CNTN6: variants seen among roughly 807,000 people sequenced by gnomAD.
CNTN6 encodes the protein contactin-6.
In CNTN6, 137 loss-of-function variants were observed where a neutral mutation model predicts 122.8. That is an observed-to-expected ratio of 1.12 (90% confidence interval 0.97 to 1.29). The LOEUF is 1.29. Among genes scored for constraint, CNTN6 ranks in the 50% most tolerant of loss-of-function variants. The pLI is 0.00. For synonymous variants in CNTN6, 570 were observed against 426.0 expected (o/e 1.34, Z -4.16); for missense variants, 1,634 against 1,223.4 (o/e 1.34, Z -5.01).
rs3821436 is a variant in CNTN6 at position 1,197,567 on chromosome 3, C to T, written c.56-23120C>T. Among the ~76,000 whole-genome samples the T allele has an allele frequency of 2.8e-3, 427 of 152,256 alleles. 10 individuals are homozygous for T. In the East Asian group the frequency reaches 0.038, roughly 13 times the overall value. On this transcript the variant is annotated intron_variant, in intron 2 of 22. Coordinates refer to ENST00000446702, the MANE Select transcript of CNTN6 (RefSeq NM_001289080.2). ...GTAAATAGGAAAGCAGCATCTACAACACTTAGTGATGTAAGTCACACACAT... is the reference window on the plus strand; with the variant it reads ...GTAAATAGGAAAGCAGCATCTACAATACTTAGTGATGTAAGTCACACACAT...
rs112708326 is a variant in CNTN6, at chr3:1,139,858, G to C, written c.-82-8069G>C. 8.9e-3 allele frequency among the ~76,000 whole-genome samples: 1,350 copies of C among 152,276 alleles called. 17 individuals carry two copies. The highest frequency in any genetic ancestry group is 0.031 in the African/African-American group (1,276 of 41,548). On this transcript the variant is annotated intron_variant, in intron 1 of 22. Coordinates refer to ENST00000446702, the MANE Select transcript of CNTN6 (RefSeq NM_001289080.2). Reference sequence around the variant, plus strand: ...TTGAACACTCAGCAGCGTATGACTGGTTGAAACATGGCTGCTGGGATTGGC... The same window carrying C: ...TTGAACACTCAGCAGCGTATGACTGCTTGAAACATGGCTGCTGGGATTGGC...
At chr3:1,257,647 G>T (rs555193031) in intron 4 of CNTN6, among the ~76,000 whole-genome samples, 1 of 152,136 alleles carries the variant, frequency 6.6e-6, no homozygotes, top group East Asian at 1.9e-4. Flanking sequence ...TGCTGTGGAG[G>T]CAGTACAATA....
chr3:1,382,487 T>TCC (rs1692051554), intron 17 of CNTN6, among the ~76,000 whole-genome samples: 1 of 152,216 alleles, frequency 6.6e-6, no homozygotes, highest in Non-Finnish European at 1.5e-5. Context: ...TCTTAAAGCA[T>TCC]ATGTTATTTC....
chr3:1,335,276 C>A (rs1204932439), intron 11 of CNTN6, among the ~76,000 whole-genome samples: 1 of 152,146 alleles, frequency 6.6e-6, no homozygotes, highest in Non-Finnish European at 1.5e-5. Context: ...TTGTTGCTGT[C>A]ATCGTAACTT....
chr3:1,104,110 G>A (rs2091096586), intron 1 of CNTN6, among the ~76,000 whole-genome samples: 1 of 152,060 alleles, frequency 6.6e-6, no homozygotes, highest in African/African-American at 2.4e-5. Context: ...TTCTGCTCCT[G>A]TAAAATTCAC....
chr3:1,124,440 A>G (rs2092082071), intron 1 of CNTN6, among the ~76,000 whole-genome samples: 2 of 151,860 alleles, frequency 1.3e-5, no homozygotes, highest in Non-Finnish European at 2.9e-5. Flanking sequence ...CTCTTAGTCA[A>G]GTTACCTTTG....
chr3:1,323,588 A>T (rs755716500), intron 8 of CNTN6, among the ~76,000 whole-genome samples: 1 of 151,840 alleles, frequency 6.6e-6, no homozygotes, highest in Non-Finnish European at 1.5e-5. Context: ...TCAGTCTGTT[A>T]TATTGCTGTG....
chr3:1,166,120 C>A (rs944930936), intron 2 of CNTN6, among the ~76,000 whole-genome samples: 1 of 152,182 alleles, frequency 6.6e-6, no homozygotes, highest in Non-Finnish European at 1.5e-5. Flanking sequence ...CATGCAGGGG[C>A]AGCTCATTGG....
intron 2 of CNTN6, among the ~76,000 whole-genome samples, chr3:1,171,592 C>T (rs75620930): frequency 3.9e-5 from 6 of 152,070 alleles, no homozygotes; most frequent in Admixed American, 3.9e-4. Flanking sequence ...AAAGTACCTT[C>T]GATTGAGAAC....
At chr3:1,365,120 G>A (rs759410737) in intron 12 of CNTN6, among the ~76,000 whole-genome samples, 2 of 151,950 alleles carry the variant, frequency 1.3e-5, no homozygotes, top group Non-Finnish European at 2.9e-5. Context: ...ACACACAGAA[G>A]TAGAGGTGAT....
At chr3:1,181,206 G>C (rs2093548125) in intron 2 of CNTN6, among the ~76,000 whole-genome samples, 1 of 151,902 alleles carries the variant, frequency 6.6e-6, no homozygotes, top group South Asian at 2.1e-4. Flanking sequence ...TATTTTCTTT[G>C]ACTGATAAGA....
intron 2 of CNTN6, among the ~76,000 whole-genome samples, chr3:1,152,107 ATATTT>A (rs1486292396): frequency 5.3e-5 from 8 of 151,812 alleles, no homozygotes; most frequent in Admixed American, 2.0e-4. Context: ...TCATGAGGAA[ATATTT>A]TATTTATTTA....
At chr3:1,130,850 T>C (rs915610943) in intron 1 of CNTN6, among the ~76,000 whole-genome samples, 1 of 152,172 alleles carries the variant, frequency 6.6e-6, no homozygotes, top group Non-Finnish European at 1.5e-5. Flanking sequence ...ACCTGGTTTA[T>C]AGCAACTATT....
chr3:1,347,496 A>C (rs1397705264), intron 11 of CNTN6, among the ~76,000 whole-genome samples: 1 of 152,170 alleles, frequency 6.6e-6, no homozygotes, highest in African/African-American at 2.4e-5. Flanking sequence ...GTCAAATGTC[A>C]GAATTTGGTG....
chr3:1,215,038 C>A (rs1488505014), intron 2 of CNTN6, among the ~76,000 whole-genome samples: 1 of 152,178 alleles, frequency 6.6e-6, no homozygotes, highest in South Asian at 2.1e-4. Context: ...GGATTACAGG[C>A]ATGAGCCCCT....
chr3:1,281,760 T>A (rs1039702101), intron 5 of CNTN6, among the ~76,000 whole-genome samples: 9 of 152,320 alleles, frequency 5.9e-5, no homozygotes, highest in Middle Eastern at 3.4e-3. Context: ...TTACATCAAA[T>A]TTTTGATAAC....
intron 4 of CNTN6, among the ~76,000 whole-genome samples, chr3:1,238,984 A>G (rs796970767): frequency 6.6e-6 from 1 of 152,186 alleles, no homozygotes; most frequent in Non-Finnish European, 1.5e-5. Context: ...CAGAAATACA[A>G]AAGATTATTG....
intron 7 of CNTN6, among the ~76,000 whole-genome samples, chr3:1,301,865 A>C (rs1697485442): frequency 1.3e-5 from 2 of 152,224 alleles, no homozygotes; most frequent in Non-Finnish European, 2.9e-5. Flanking sequence ...TACAAATGTG[A>C]GTTACTACCA....
chr3:1,122,957 G>A (rs1238025855), intron 1 of CNTN6, among the ~76,000 whole-genome samples: 1 of 151,780 alleles, frequency 6.6e-6, no homozygotes, highest in Non-Finnish European at 1.5e-5. Context: ...ATATACCTGG[G>A]ACTGAAATGA....
Sources: gnomAD v4.1 joint callset for allele counts (sites outside exome capture counted in the v4.1 genomes callset) on GRCh38, gnomAD v4.1.1 for gene constraint, MANE v1.5 for transcripts, NCBI Gene and HGNC (gene_info 2026-07-23, HGNC 2026-07-21) for gene names.